Variants in TRPM4 observed in about 807,000 individuals in gnomAD.
TRPM4 encodes the protein calcium-activated non-selective cation channel 1.
In TRPM4, 124 loss-of-function variants were observed where a neutral mutation model predicts 135.6. The observed-to-expected ratio is 0.91, with a 90% CI of 0.79 to 1.06. TRPM4 has a LOEUF of 1.06. Ranked by LOEUF, TRPM4 falls within the 50% of genes least tolerant of loss-of-function variation. The probability of loss-of-function intolerance (pLI) is 0.00; values close to 1 mark genes in which losing one functional copy is unlikely to be tolerated. For missense variants in TRPM4, 1,658 were observed against 1,671.4 expected, an observed-to-expected ratio of 0.99 and a Z score of 0.14; for synonymous variants, 745 against 705.6, an observed-to-expected ratio of 1.06 and a Z score of -0.88.
At chr19:49,207,599 A>G (rs114588043) in intron 20 of TRPM4, among the ~76,000 whole-genome samples, 7,579 of 145,364 alleles carry the variant, frequency 0.052, 614 homozygotes, top group African/African-American at 0.17. Context: ...TTTCACCACC[A>G]TCATGATTGT....
At chr19:49,158,295 C>G in intron 2 of TRPM4, 36 bp downstream of exon 2, 3 of 1,600,210 alleles carry the variant, frequency 1.9e-6, no homozygotes, top group Non-Finnish European at 2.6e-6. Flanking sequence ...CCCAGAGGGT[C>G]CGCGGCCCGC....
Position 49,196,847 on chromosome 19 carries a change from C to T in TRPM4, c.2618C>T (p.Thr873Ile), listed in dbSNP as rs780581421. The change falls in exon 17 of 25, where the codon ACC becomes ATC. Residue 873 changes from threonine (T) to isoleucine (I), a missense_variant. By Grantham distance (89) the Thr-to-Ile change is moderately conservative. Transcript: ENST00000252826. ...AACCAGTGCGACCTAGTGGCTCTCA[C>T]CTGCTTCCTCCTGGGCGTGGGCTGC... ...SWNQCDLVAL[T>I]CFLLGVGCRL... 2.0e-5 allele frequency: 31 copies of T among 1,587,444 alleles called. No individual in the cohort carries two copies. Among genetic ancestry groups the T allele is most frequent in the Non-Finnish European group, 2.6e-5 (31 of 1,174,880 alleles).
In TRPM4 at chr19:49,179,290, G is replaced by A. The variant is rs536073088; in HGVS notation, c.1151-2059G>A. On this transcript the variant is annotated intron_variant, in intron 9 of 24. Transcript: ENST00000252826. ...GGCTGGTCTCGAACTCCTGACCTCA[G>A]GTGATTCGCCCACCTCGGCCTCCCA... Among the ~76,000 whole-genome samples, 227 of 151,208 alleles carry A rather than the reference G, an allele frequency of 1.5e-3. 1 individual carries two copies. The highest frequency in any genetic ancestry group is 5.3e-3 in the African/African-American group (217 of 41,176).
rs894959489 is a variant in TRPM4, at chr19:49,190,138, C to T, written c.2020-70C>T. 5.3e-6 allele frequency: 7 copies of T among 1,328,382 alleles called. No homozygotes were observed. In the African/African-American group the frequency reaches 1.0e-4, roughly 19 times the overall value. 82.3% of individuals were successfully genotyped at this position (1,328,382 alleles called of 1,614,324 possible). On this transcript the variant is annotated intron_variant, in intron 14 of 24. Transcript: ENST00000252826. ...TCTGTACTCTGGAGCTGCAGTCCAA[C>T]CCTTGCTGGGCGTCTTAGGGACGGG...
At chr19:49,175,175 A>C (rs1213212873) in intron 9 of TRPM4, among the ~76,000 whole-genome samples, 1 of 148,326 alleles carries the variant, frequency 6.7e-6, no homozygotes, top group East Asian at 2.0e-4. Context: ...TCCCGGGCTC[A>C]AGTGATTCTC....
intron 17 of TRPM4, among the ~76,000 whole-genome samples, chr19:49,200,074 A>G (rs1393810691): frequency 6.6e-6 from 1 of 152,176 alleles, no homozygotes; most frequent in African/African-American, 2.4e-5. Context: ...GCCATCGTTC[A>G]TTCAGTCATT....
Position 49,196,651 on chromosome 19 carries a change from G to C in TRPM4, c.2422G>C (p.Ala808Pro). 1.3e-6 allele frequency: 2 copies of C among 1,546,616 alleles called. No individual in the cohort carries two copies. Residue 808 changes from alanine to proline, a missense_variant, in exon 17 of 25, where the codon GCG (alanine) becomes CCG (proline). Transcript: ENST00000252826. ...GGTGCTGCTCGTGGATTTCCAGCCG[G>C]CGCCGCCCGGCTCCCTGGAGCTGCT... ...SRVLLVDFQP[A>P]PPGSLELLLY...
At chr19:49,181,527 CTTCT>C in intron 10 of TRPM4, 66 bp downstream of exon 10, 7 of 830,440 alleles carry the variant, frequency 8.4e-6, no homozygotes, top group African/African-American at 2.1e-5. Flanking sequence ...CCCTCTCTGC[CTTCT>C]TTTTTTTTTT....
chr19:49,205,596 C>T (rs528496256), intron 20 of TRPM4, among the ~76,000 whole-genome samples: 6 of 130,226 alleles, frequency 4.6e-5, no homozygotes, highest in Admixed American at 3.0e-4. Context: ...AGTGCAATGG[C>T]GTGATCTCGG....
intron 12 of TRPM4, among the ~76,000 whole-genome samples, chr19:49,184,561 C>T (rs192870786): frequency 2.5e-4 from 36 of 146,656 alleles, no homozygotes; most frequent in Admixed American, 1.5e-3. Flanking sequence ...CCTGGGTTCA[C>T]GCCATTCTCC....
chr19:49,169,388 C>T (rs1967365389), intron 6 of TRPM4, among the ~76,000 whole-genome samples: 1 of 86,872 alleles, frequency 1.2e-5, no homozygotes, highest in Admixed American at 9.7e-5. Flanking sequence ...TCTCCTGCCT[C>T]AGCCTCCTGC....
At chr19:49,166,759 T>C (rs1181921136) in intron 3 of TRPM4, among the ~76,000 whole-genome samples, 1 of 150,770 alleles carries the variant, frequency 6.6e-6, no homozygotes, top group African/African-American at 2.4e-5. Context: ...TCTGTCTCTG[T>C]CTCTCTGGGT....
In TRPM4 at chr19:49,168,029, G is replaced by C. The variant is rs1347123539; in HGVS notation, c.380G>C (p.Gly127Ala). 6.2e-7 allele frequency: 1 copy of C among 1,612,878 alleles called. No homozygotes were observed. The highest frequency in any genetic ancestry group is 8.5e-7 in the Non-Finnish European group (1 of 1,179,932). Residue 127 changes from glycine to alanine, a missense_variant, in exon 4 of 25, where the codon GGC becomes GCC. By Grantham distance (60) the Gly-to-Ala change is moderately conservative. This residue lies in a region of TRPM4 where 239 missense variants were observed against 240.1 expected (regional missense o/e 1.00). Transcript: ENST00000252826. ...LVVSVLGGSGGPVLQTWLQDL... is the reference protein window; with the variant it reads ...LVVSVLGGSGAPVLQTWLQDL... ...GTGTCAGTGCTGGGGGGATCGGGGG[G>C]CCCCGTCCTCCAGACCTGGCTGCAG...
At position 49,172,096 on chromosome 19, in the gene TRPM4, G is replaced by A. The variant is rs1322849120; in HGVS notation, c.1138G>A (p.Ala380Thr). 3.7e-6 allele frequency: 6 copies of A among 1,613,418 alleles called. No homozygotes were observed. In the African/African-American group the frequency reaches 8.0e-5, roughly 22 times the overall value. Residue 380 changes from alanine (A) to threonine (T), a missense_variant, in exon 9 of 25, where the codon GCC (alanine) becomes ACC (threonine). Transcript: ENST00000252826. ...GGAATTCGAGACCATAGTTTTGAAG[G>A]CCCTTGTGAAGGGTAAAAGTTGTAC... is the stretch of plus-strand genomic sequence containing the variant. Reference protein sequence around the residue: ...SEEFETIVLKALVKACGSSEA... With the variant: ...SEEFETIVLKTLVKACGSSEA...
At chr19:49,163,928 G>A (rs1358659359) in intron 2 of TRPM4, among the ~76,000 whole-genome samples, 1 of 152,220 alleles carries the variant, frequency 6.6e-6, no homozygotes, top group African/African-American at 2.4e-5. Context: ...GGGCCCTGGA[G>A]GTAGACTCAG....
Position 49,210,696 on chromosome 19 carries a change from G to T in TRPM4, c.3329-14G>T. On this transcript the variant is annotated splice_polypyrimidine_tract_variant and intron_variant, in intron 21 of 24. Coordinates refer to ENST00000252826, the MANE Select transcript of TRPM4 (RefSeq NM_017636.4). The surrounding 1 kb of genome is among the most constrained non-coding windows in gnomAD (Gnocchi z 4.1). ...GGCGTGGCCTGAGCCCTTTGACTCC[G>T]CCCGCCCCTGCAGGGGTTTACCTTT... 2 of 1,613,530 alleles carry T rather than the reference G, an allele frequency of 1.2e-6. No homozygotes were observed. The highest frequency in any genetic ancestry group is 2.7e-5 in the African/African-American group (2 of 75,048).
At chr19:49,198,663 A>G (rs1968792081) in intron 17 of TRPM4, among the ~76,000 whole-genome samples, 1 of 151,790 alleles carries the variant, frequency 6.6e-6, no homozygotes, top group Admixed American at 6.6e-5. Flanking sequence ...AAAAAAAAAA[A>G]AAAAAGGGAG....
chr19:49,190,609 C>G, intron 15 of TRPM4, 87 bp from the exon 16 acceptor site: 2 of 1,365,448 alleles, frequency 1.5e-6, no homozygotes, highest in Non-Finnish European at 2.1e-6. Context: ...GCCATGTCTC[C>G]GGGTGAAGAA....
In TRPM4 at chr19:49,211,701, G is replaced by T. The variant is rs1969377111; in HGVS notation, c.*203G>T. Reference sequence around the variant, plus strand: ...CCGGCTCCTCCCAGAACCAGTCCCAGCCTGGGAGGATCAAGGCCTGGATCC... The same window carrying T: ...CCGGCTCCTCCCAGAACCAGTCCCATCCTGGGAGGATCAAGGCCTGGATCC... On this transcript the variant is annotated 3_prime_UTR_variant, in exon 25 of 25. Transcript: ENST00000252826. This position sits in a 1 kb window ranked among gnomAD's most constrained non-coding sequence, Gnocchi z 4.8. The T allele has an allele frequency of 1.4e-6, 1 of 692,930 alleles. No individual in the cohort carries two copies. The highest frequency in any genetic ancestry group is 2.5e-6 in the Non-Finnish European group (1 of 400,544). 42.9% of individuals were successfully genotyped at this position (692,930 alleles called of 1,614,324 possible).
Sources: gnomAD v4.1 joint callset for allele counts (sites outside exome capture counted in the v4.1 genomes callset) on GRCh38, gnomAD v4.1.1 for gene constraint, gnomAD v4.1.1 regional missense constraint, Gnocchi (gnomAD v3.1) non-coding constraint, MANE v1.5 for transcripts, NCBI Gene and HGNC (gene_info 2026-07-23, HGNC 2026-07-21) for gene names.